Variants in ATG7 observed in about 807,000 individuals in gnomAD.
The protein encoded by ATG7 is ubiquitin-like modifier-activating enzyme ATG7.
In ATG7, 70 loss-of-function variants were observed where a neutral mutation model predicts 82.4. The ratio of observed to expected loss-of-function variants is 0.85; its 90% CI spans 0.70 to 1.04. ATG7 has a LOEUF of 1.04. ATG7 is among the 50% of genes least tolerant of loss of function. ATG7 has a pLI of 0.00. For missense variants in ATG7, 792 were observed against 864.3 expected (o/e 0.92, Z 1.05); for synonymous variants, 287 against 313.0 (o/e 0.92, Z 0.88).
rs564241519 is a variant in ATG7, at chr3:11,292,304, A to G, written c.-10-6382A>G. On this transcript the variant is annotated intron_variant, in intron 3 of 20. Transcript: ENST00000693202. ...AGTCTCGCTCTGTTGCCCAGGCTGG[A>G]GTGCAGTGGCACGATCTCCATCTTG... Among the ~76,000 whole-genome samples, 19 of 140,498 alleles carry G rather than the reference A, an allele frequency of 1.4e-4. 1 individual carries two copies. Among genetic ancestry groups the G allele is most frequent in the African/African-American group, 4.9e-4 (18 of 36,940 alleles). The allele number at this position is 140,498 out of a possible 152,430, so 92.2% of individuals were successfully genotyped here. A position where few individuals can be genotyped will look rare whatever the true frequency, so the allele number is the denominator to read the frequency against.
intron 20 of ATG7, among the ~76,000 whole-genome samples, chr3:11,531,505 G>C (rs2092693179): frequency 6.6e-6 from 1 of 152,188 alleles, no homozygotes; most frequent in African/African-American, 2.4e-5. Context: ...ATTTCCTTAA[G>C]CCCAAGGGGC....
chr3:11,356,779 C>T (rs2075962470), intron 14 of ATG7, among the ~76,000 whole-genome samples: 1 of 152,118 alleles, frequency 6.6e-6, no homozygotes, highest in African/African-American at 2.4e-5. Context: ...GCATTTGGTA[C>T]ATAGTAGGTG....
intron 13 of ATG7, among the ~76,000 whole-genome samples, chr3:11,345,750 A>G (rs947594753): frequency 5.9e-5 from 9 of 152,038 alleles, no homozygotes; most frequent in African/African-American, 1.9e-4. Context: ...AGATTCGTAA[A>G]TATCTACTTT....
chr3:11,288,972 C>A (rs1401170542), intron 3 of ATG7, among the ~76,000 whole-genome samples: 1 of 152,168 alleles, frequency 6.6e-6, no homozygotes, highest in African/African-American at 2.4e-5. Flanking sequence ...AGTGTTGAAT[C>A]CCTATCAAAA....
chr3:11,405,979 C>T (rs978804245), intron 19 of ATG7, among the ~76,000 whole-genome samples: 2 of 119,700 alleles, frequency 1.7e-5, no homozygotes, highest in Non-Finnish European at 3.4e-5. Flanking sequence ...TCCTTCCTTG[C>T]TTTTTTTTGT....
intron 20 of ATG7, among the ~76,000 whole-genome samples, chr3:11,524,227 G>A (rs1020524591): frequency 2.6e-5 from 4 of 152,290 alleles, no homozygotes; most frequent in Non-Finnish European, 5.9e-5. Flanking sequence ...GCTTAGTTAA[G>A]CTGAAGTTGA....
intron 20 of ATG7, among the ~76,000 whole-genome samples, chr3:11,432,415 C>A (rs1458717433): frequency 6.6e-6 from 1 of 151,992 alleles, no homozygotes; most frequent in Admixed American, 6.6e-5. Flanking sequence ...CACATAAATG[C>A]CATTTGCCTT....
chr3:11,566,441 T>C, the ATG7 span, among the ~76,000 whole-genome samples: 2 of 152,224 alleles, frequency 1.3e-5, no homozygotes, highest in Non-Finnish European at 2.9e-5. Context: ...CTTGTATCCA[T>C]TCCAGAGCAA....
At chr3:11,412,261 CTTT>C (rs71055869) in intron 19 of ATG7, among the ~76,000 whole-genome samples, 6 of 137,826 alleles carry the variant, frequency 4.4e-5, no homozygotes, top group African/African-American at 7.9e-5. Context: ...TTATTTGATT[CTTT>C]TTTTTTTTTT....
rs142628817 is a variant in ATG7 at position 11,407,468 on chromosome 3, C to T, written c.1957-19336C>T. ...CATTCTGAGGTCTAGAGGACAGTGG[C>T]CCTCTTCTCACAGCTTCACTAGGCA... On this transcript the variant is annotated intron_variant, in intron 19 of 20. Transcript: ENST00000693202. 3.7e-3 allele frequency among the ~76,000 whole-genome samples: 571 copies of T among 152,284 alleles called. 3 individuals are homozygous for T. Among genetic ancestry groups the T allele is most frequent in the African/African-American group, 0.013 (531 of 41,550 alleles).
At chr3:11,566,204 A>G in the ATG7 span, among the ~76,000 whole-genome samples, 1 of 152,186 alleles carries the variant, frequency 6.6e-6, no homozygotes, top group East Asian at 1.9e-4. Flanking sequence ...TGTTACACAC[A>G]CACTGAATGT....
At chr3:11,386,836 C>A (rs2078355853) in intron 19 of ATG7, among the ~76,000 whole-genome samples, 1 of 152,216 alleles carries the variant, frequency 6.6e-6, no homozygotes, top group Non-Finnish European at 1.5e-5. Flanking sequence ...ATCTCCAGAA[C>A]TGCTTGGTTC....
At chr3:11,415,823 G>C (rs1399392992) in intron 19 of ATG7, among the ~76,000 whole-genome samples, 2 of 151,208 alleles carry the variant, frequency 1.3e-5, no homozygotes, top group Non-Finnish European at 1.5e-5. Flanking sequence ...AACATGTATA[G>C]TATAGTAAAT....
chr3:11,545,043 G>C (rs1173348222), intron 20 of ATG7, among the ~76,000 whole-genome samples: 1 of 152,216 alleles, frequency 6.6e-6, no homozygotes, highest in Non-Finnish European at 1.5e-5. Context: ...CTGTGTGGGA[G>C]GGGCTGCGGA....
intron 3 of ATG7, among the ~76,000 whole-genome samples, chr3:11,288,984 C>G (rs1468253469): frequency 6.6e-6 from 1 of 152,166 alleles, no homozygotes; most frequent in Non-Finnish European, 1.5e-5. Context: ...CTATCAAAAC[C>G]TTTCCTGTTT....
chr3:11,393,505 A>G (rs2078979451), intron 19 of ATG7, among the ~76,000 whole-genome samples: 1 of 152,154 alleles, frequency 6.6e-6, no homozygotes, highest in Non-Finnish European at 1.5e-5. Flanking sequence ...GATAATAGGT[A>G]TCTCTTTATT....
chr3:11,353,422 G>A (rs113236470), intron 14 of ATG7, among the ~76,000 whole-genome samples: 5,794 of 152,224 alleles, frequency 0.038, 122 homozygotes, highest in African/African-American at 0.05. Context: ...CCAGCCTGGC[G>A]ACAGAGTGAG....
intron 19 of ATG7, among the ~76,000 whole-genome samples, chr3:11,390,561 G>T (rs765338956): frequency 6.6e-6 from 1 of 152,160 alleles, no homozygotes; most frequent in Non-Finnish European, 1.5e-5. Context: ...TGTTTCTGTT[G>T]GGCTGTGCTA....
the ATG7 span, chr3:11,564,904 G>A: frequency 6.2e-7 from 1 of 1,607,134 alleles, no homozygotes; most frequent in South Asian, 1.1e-5. Context: ...AGGCTGGGGA[G>A]GGAGGTGTAC....
Sources: gnomAD v4.1 joint callset for allele counts (sites outside exome capture counted in the v4.1 genomes callset) on GRCh38, gnomAD v4.1.1 for gene constraint, MANE v1.5 for transcripts, NCBI Gene and HGNC (gene_info 2026-07-23, HGNC 2026-07-21) for gene names.